Variants in PLA2G12B observed in about 807,000 individuals in gnomAD.
PLA2G12B encodes the protein group XIIB secretory phospholipase A2-like protein.
In PLA2G12B, 19 loss-of-function variants were observed where a neutral mutation model predicts 22.3. The ratio of observed to expected loss-of-function variants is 0.85; its 90% CI spans 0.60 to 1.25. The LOEUF is 1.25. Ranked by LOEUF, PLA2G12B falls within the 50% of genes most tolerant of loss-of-function variation. The pLI is 0.00. For missense variants in PLA2G12B, 191 were observed against 246.6 expected (o/e 0.77, Z 1.51); for synonymous variants, 81 against 94.9 (o/e 0.85, Z 0.85).
At chr10:72,950,959 AGAGGC>A (rs1418822980) in intron 1 of PLA2G12B, among the ~76,000 whole-genome samples, 1 of 152,210 alleles carries the variant, frequency 6.6e-6, no homozygotes, top group Non-Finnish European at 1.5e-5. Flanking sequence ...CCGGAAGCTG[AGAGGC>A]TGTTGTCCAG....
chr10:72,939,975 G>GTGGGA (rs958349924), intron 3 of PLA2G12B, among the ~76,000 whole-genome samples: 3 of 152,250 alleles, frequency 2.0e-5, no homozygotes, highest in African/African-American at 4.8e-5. Flanking sequence ...AACCAGGCAA[G>GTGGGA]TGGGATATGA....
rs111573507 is a variant in PLA2G12B, at chr10:72,950,627, G to A, written c.211+3848C>T. On this transcript the variant is annotated intron_variant, in intron 1 of 3. Coordinates refer to ENST00000373032, the MANE Select transcript of PLA2G12B (RefSeq NM_032562.5). ...TCCCAGGTAGCTGGGATTACAGGGC[G>A]CGCCACCACGCCCGGCTAATTTTTG... Among the ~76,000 whole-genome samples the A allele has an allele frequency of 8.2e-3, 1,250 of 152,068 alleles. 13 individuals are homozygous for A. Among genetic ancestry groups the A allele is most frequent in the African/African-American group, 0.028 (1,150 of 41,484 alleles).
intron 1 of PLA2G12B, among the ~76,000 whole-genome samples, chr10:72,948,036 G>A (rs1208703719): frequency 4.6e-5 from 7 of 152,204 alleles, no homozygotes; most frequent in East Asian, 1.9e-4. Context: ...CACCACGCCC[G>A]GCTAATTTTT....
At chr10:72,954,448 T>C (rs764443836) in intron 1 of PLA2G12B, 27 bp downstream of exon 1, 27 of 1,613,948 alleles carry the variant, frequency 1.7e-5, no homozygotes, top group Non-Finnish European at 2.2e-5. Flanking sequence ...GCAACAGTTT[T>C]TACAGAAAGA....
At chr10:72,942,319 C>T (rs1481397314) in intron 2 of PLA2G12B, among the ~76,000 whole-genome samples, 1 of 152,132 alleles carries the variant, frequency 6.6e-6, no homozygotes, top group Non-Finnish European at 1.5e-5. Context: ...GGCTCTAGCA[C>T]ATCACTGGAA....
At chr10:72,953,702 C>T (rs1215985456) in intron 1 of PLA2G12B, among the ~76,000 whole-genome samples, 3 of 152,088 alleles carry the variant, frequency 2.0e-5, no homozygotes, top group African/African-American at 7.2e-5. Flanking sequence ...GGCTCTGTGC[C>T]GGCAGCCAGG....
In PLA2G12B at chr10:72,949,490, TTTTGTAGTATACATATTATGTC is replaced by T. The variant is rs1379223986; in HGVS notation, c.211+4963_211+4984del. Among the ~76,000 whole-genome samples the T allele has an allele frequency of 4.6e-5, 7 of 152,346 alleles. No homozygotes were observed. In the East Asian group the frequency reaches 1.3e-3, roughly 29 times the overall value. On this transcript the variant is annotated intron_variant, in intron 1 of 3. Transcript: ENST00000373032. ...ATTTCTTCACAGTTTGTAAGAACCTTTTTGTAGTATACATATTATGTCTTTGTCATTTGTTTTACAATTTTCC... is the reference window on the plus strand; with the variant it reads ...ATTTCTTCACAGTTTGTAAGAACCTTTTTGTCATTTGTTTTACAATTTTCC...
intron 3 of PLA2G12B, 26 bp downstream of exon 3, chr10:72,941,143 A>G (rs370630428): frequency 6.2e-7 from 1 of 1,608,930 alleles, no homozygotes; most frequent in African/African-American, 1.3e-5. Flanking sequence ...CTCCCTGTGC[A>G]CTGTACGTGC....
intron 1 of PLA2G12B, among the ~76,000 whole-genome samples, chr10:72,952,425 T>G (rs1310745321): frequency 1.3e-5 from 2 of 152,194 alleles, no homozygotes; most frequent in Admixed American, 1.3e-4. Flanking sequence ...GCCCAGAATC[T>G]CCTACTAATC....
intron 1 of PLA2G12B, among the ~76,000 whole-genome samples, chr10:72,943,240 A>T (rs1270271768): frequency 6.6e-6 from 1 of 152,222 alleles, no homozygotes; most frequent in Non-Finnish European, 1.5e-5. Context: ...TGCTGGGATT[A>T]CAGGCGTGAG....
At chr10:72,951,359 G>A (rs1846527438) in intron 1 of PLA2G12B, among the ~76,000 whole-genome samples, 1 of 151,484 alleles carries the variant, frequency 6.6e-6, no homozygotes, top group Admixed American at 6.6e-5. Context: ...TCTCACCACA[G>A]ACCTACTGCA....
At chr10:72,946,898 TA>T (rs1264244921) in intron 1 of PLA2G12B, among the ~76,000 whole-genome samples, 1 of 152,074 alleles carries the variant, frequency 6.6e-6, no homozygotes, top group Admixed American at 6.6e-5. Flanking sequence ...TTTGATGGTG[TA>T]ACTATTTATT....
chr10:72,951,580 C>A (rs1846532286), intron 1 of PLA2G12B, among the ~76,000 whole-genome samples: 1 of 151,478 alleles, frequency 6.6e-6, no homozygotes, highest in Non-Finnish European at 1.5e-5. Flanking sequence ...GCCTCAGCCT[C>A]CCGAGTAGCT....
intron 3 of PLA2G12B, among the ~76,000 whole-genome samples, chr10:72,938,183 AGAG>A (rs1014415787): frequency 2.0e-5 from 3 of 152,116 alleles, no homozygotes; most frequent in Non-Finnish European, 4.4e-5. Context: ...AACTGGGAAA[AGAG>A]GAGAACTCCC....
intron 1 of PLA2G12B, among the ~76,000 whole-genome samples, chr10:72,943,263 A>G (rs1846390783): frequency 6.6e-6 from 1 of 152,056 alleles, no homozygotes; most frequent in Non-Finnish European, 1.5e-5. Context: ...ACCACACCCA[A>G]TAAGCACTTA....
intron 2 of PLA2G12B, 45 bp downstream of exon 2, chr10:72,942,607 C>T: frequency 6.9e-7 from 1 of 1,453,882 alleles, no homozygotes; most frequent in East Asian, 2.4e-5. Flanking sequence ...GGATTGCTCT[C>T]AGTCAAAACC....
chr10:72,949,376 T>C (rs1042611837), intron 1 of PLA2G12B, among the ~76,000 whole-genome samples: 4 of 152,194 alleles, frequency 2.6e-5, no homozygotes, highest in African/African-American at 9.6e-5. Context: ...AATTCGACCA[T>C]ATTATTTGTA....
In PLA2G12B at chr10:72,952,362, C is replaced by A. The variant is rs576425148; in HGVS notation, c.211+2113G>T. On this transcript the variant is annotated intron_variant, in intron 1 of 3. Coordinates refer to ENST00000373032, the MANE Select transcript of PLA2G12B (RefSeq NM_032562.5). ...TTACAAAATTATCTGGGCATGGTGGCGCACACCTGTAGCCCAAGCTAACTG... is the reference window on the plus strand; with the variant it reads ...TTACAAAATTATCTGGGCATGGTGGAGCACACCTGTAGCCCAAGCTAACTG... Among the ~76,000 whole-genome samples the A allele has an allele frequency of 8.5e-5, 13 of 152,292 alleles. 1 individual carries two copies. Among genetic ancestry groups the A allele is most frequent in the African/African-American group, 2.6e-4 (11 of 41,554 alleles).
chr10:72,937,136 G>A (rs1191786790), intron 3 of PLA2G12B, among the ~76,000 whole-genome samples: 7 of 151,620 alleles, frequency 4.6e-5, no homozygotes, highest in East Asian at 1.9e-4. Flanking sequence ...GCGTGAACCC[G>A]GAGGCAGAGC....
Sources: gnomAD v4.1 joint callset for allele counts (sites outside exome capture counted in the v4.1 genomes callset) on GRCh38, gnomAD v4.1.1 for gene constraint, MANE v1.5 for transcripts, NCBI Gene and HGNC (gene_info 2026-07-23, HGNC 2026-07-21) for gene names.